The following FRK variants were observed in gnomAD, a reference collection of about 807,000 sequenced individuals.
FRK encodes fyn related Src family tyrosine kinase.
FRK carries 51 observed loss-of-function variants against 56.4 expected under a neutral mutation model. That is an observed-to-expected ratio of 0.90 (90% CI 0.72 to 1.14). The LOEUF is 1.14. FRK is among the 50% of genes most tolerant of loss of function. The pLI is 0.00. For missense variants in FRK, 570 were observed against 601.4 expected (o/e 0.95, Z 0.55); for synonymous variants, 245 against 217.9 (o/e 1.12, Z -1.10).
chr6:115,953,888 A>T (rs1236580395), intron 5 of FRK, among the ~76,000 whole-genome samples: 1 of 152,218 alleles, frequency 6.6e-6, no homozygotes, highest in African/African-American at 2.4e-5. Flanking sequence ...CAAAGAAAAC[A>T]CTATCTGCCT....
chr6:115,968,465 G>T, intron 3 of FRK, 111 bp downstream of exon 3: 3 of 1,209,678 alleles, frequency 2.5e-6, no homozygotes, highest in Non-Finnish European at 3.5e-6. Context: ...CCCGCCTGAG[G>T]TAATAAAATG....
the FRK span, among the ~76,000 whole-genome samples, chr6:116,078,125 A>G: frequency 6.6e-6 from 1 of 152,186 alleles, no homozygotes; most frequent in Non-Finnish European, 1.5e-5. Flanking sequence ...GCACCATTGC[A>G]CTCCAGCCTG....
chr6:115,973,362 A>T (rs1440755617), intron 2 of FRK, among the ~76,000 whole-genome samples: 2 of 152,162 alleles, frequency 1.3e-5, no homozygotes, highest in Non-Finnish European at 2.9e-5. Flanking sequence ...GAACAATGAG[A>T]ACACATGGAC....
At position 115,942,594 on chromosome 6, in the gene FRK, C is replaced by T; in HGVS notation, c.1338G>A (p.Leu446=). ...GTTGCGGAAGTCTATAGTTTTGAGC[C>T]AACATCTGGATTACCTGGGCACCTG... ...GMTGAQVIQM[L]AQNYRLPQPS... Residue 446 remains leucine (L), a synonymous_variant, in exon 8 of 8, where the codon TTG becomes TTA. Transcript: ENST00000606080. 1 of 1,613,626 alleles carries T rather than the reference C, an allele frequency of 6.2e-7. No homozygotes were observed. The highest frequency in any genetic ancestry group is 1.1e-5 in the South Asian group (1 of 91,050).
upstream of FRK, among the ~76,000 whole-genome samples, chr6:116,063,422 T>C (rs79990540): frequency 4.2e-3 from 646 of 152,070 alleles, 7 homozygotes; most frequent in African/African-American, 0.015. Flanking sequence ...TGAATGAACC[T>C]GAAGGACTTT....
At chr6:115,982,796 G>T (rs1048729404) in intron 2 of FRK, among the ~76,000 whole-genome samples, 1 of 152,122 alleles carries the variant, frequency 6.6e-6, no homozygotes, top group East Asian at 1.9e-4. Context: ...TAGAGGCTTG[G>T]TGGGGTGGTT....
the FRK span, among the ~76,000 whole-genome samples, chr6:116,098,994 C>T: frequency 6.6e-6 from 1 of 152,182 alleles, no homozygotes; most frequent in Non-Finnish European, 1.5e-5. Context: ...TGTGGACTCT[C>T]TAGCACAAGA....
intron 3 of FRK, 101 bp downstream of exon 3, chr6:115,968,475 G>T: frequency 1.5e-6 from 2 of 1,356,758 alleles, no homozygotes; most frequent in Non-Finnish European, 2.0e-6. Flanking sequence ...GTAATAAAAT[G>T]ACAATTTTTT....
chr6:116,077,994 T>C, the FRK span, among the ~76,000 whole-genome samples: 27,129 of 152,106 alleles, frequency 0.18, 2,891 homozygotes, highest in African/African-American at 0.29. Context: ...ACCCCATCTC[T>C]ACTAAAAACA....
chr6:116,081,108 T>C, the FRK span, among the ~76,000 whole-genome samples: 1 of 152,158 alleles, frequency 6.6e-6, no homozygotes, highest in Admixed American at 6.5e-5. Context: ...AAGAGACTTA[T>C]TCACTATCTC....
At chr6:116,062,872 CT>C (rs1175052398), upstream of FRK, among the ~76,000 whole-genome samples, 3 of 152,144 alleles carry the variant, frequency 2.0e-5, no homozygotes, top group African/African-American at 7.2e-5. Flanking sequence ...CTCAGTCTTC[CT>C]TTTCATTTAT....
In FRK at chr6:116,014,907, G is replaced by A. The variant is rs114384119; in HGVS notation, c.345-10909C>T. On this transcript the variant is annotated intron_variant, in intron 1 of 7. Transcript: ENST00000606080. ...ATTTTCATAAGGATCTACAGGCAAA[G>A]GTGTTTTAATGAGTACATGCATTTT... Among the ~76,000 whole-genome samples, 1,263 of 152,270 alleles carry A rather than the reference G, an allele frequency of 8.3e-3. 16 individuals carry two copies. Among genetic ancestry groups the A allele is most frequent in the African/African-American group, 0.028 (1,165 of 41,556 alleles).
intron 2 of FRK, among the ~76,000 whole-genome samples, chr6:115,978,592 A>G (rs1279424901): frequency 6.6e-6 from 1 of 152,138 alleles, no homozygotes; most frequent in East Asian, 1.9e-4. Flanking sequence ...ACATACACAC[A>G]CACAACTACA....
chr6:115,949,050 CA>C (rs1275973785), intron 5 of FRK, among the ~76,000 whole-genome samples: 2 of 152,058 alleles, frequency 1.3e-5, no homozygotes, highest in African/African-American at 4.8e-5. Flanking sequence ...GTAGCAACTG[CA>C]AAAGGGAGTT....
At chr6:116,002,695 T>C in intron 2 of FRK, 1 of 455,694 alleles carries the variant, frequency 2.2e-6, no homozygotes, top group East Asian at 6.9e-5. Flanking sequence ...CTCTTATCCA[T>C]GGATTAGGTA....
chr6:116,066,005 A>T, the FRK span, among the ~76,000 whole-genome samples: 9,022 of 152,252 alleles, frequency 0.059, 397 homozygotes, highest in Admixed American at 0.14. Flanking sequence ...ATGCATAGGA[A>T]GTCTCCCTAC....
At position 116,059,967 on chromosome 6, in the gene FRK, CGGCTCTGCCTGTA is replaced by C. The variant is rs1448343285; in HGVS notation, c.332_344del (p.Leu111ArgfsTer27). 6.2e-7 allele frequency: 1 copy of C among 1,611,614 alleles called. No homozygotes were observed. Among genetic ancestry groups the C allele is most frequent in the Non-Finnish European group, 8.5e-7 (1 of 1,178,208 alleles). The stretch of plus-strand genomic sequence containing the variant: ...ATTAAGTATAAGTTTGTACTACTCA[CGGCTCTGCCTGTA>C]GGCTTCTGTCCTCAGCCACGTAGTT... On this transcript the variant is annotated frameshift_variant and splice_region_variant, in exon 1 of 8. Transcript: ENST00000606080. LOFTEE classifies it high-confidence loss of function.
chr6:116,007,458 C>T lies in FRK; in HGVS notation c.345-3460G>A, dbSNP rs556777709. On this transcript the variant is annotated intron_variant, in intron 1 of 7. Transcript: ENST00000606080. ...TTGAGCCAAACTTCTATTTCGCATG[C>T]CACAGTACCTTGAAGTGTAATGTGA... is the stretch of plus-strand genomic sequence containing the variant. Among the ~76,000 whole-genome samples, 12 of 152,240 alleles carry T rather than the reference C, an allele frequency of 7.9e-5. No homozygotes were observed. In the South Asian group the frequency reaches 2.1e-3, roughly 26 times the overall value.
At chr6:116,054,955 T>G (rs1387269273) in intron 1 of FRK, among the ~76,000 whole-genome samples, 1 of 152,108 alleles carries the variant, frequency 6.6e-6, no homozygotes, top group Non-Finnish European at 1.5e-5. Context: ...CAAAAGCTGG[T>G]CTCATATCCC....
Sources: allele counts gnomAD v4.1 joint callset (sites outside exome capture counted in the v4.1 genomes callset), GRCh38; gene constraint gnomAD v4.1.1; transcripts MANE v1.5; gene names NCBI Gene and HGNC (gene_info 2026-07-23, HGNC 2026-07-21).